The following DHX15 variants were observed in gnomAD, a reference collection of about 807,000 sequenced individuals.
The protein encoded by DHX15 is ATP-dependent RNA helicase DHX15.
In DHX15, 11 loss-of-function variants were observed where a neutral mutation model predicts 94.4. That is an observed-to-expected ratio of 0.12 (90% CI 0.07 to 0.19). The LOEUF (loss-of-function observed/expected upper bound fraction) is 0.19, where lower values mean the gene tolerates loss of function less well. Ranked by LOEUF, DHX15 falls within the 10% of genes least tolerant of loss-of-function variation. DHX15 has a pLI of 1.00. For synonymous variants in DHX15, 338 were observed against 329.9 expected (o/e 1.02, Z -0.27); for missense variants, 304 against 988.5 (o/e 0.31, Z 9.29).
In DHX15 at chr4:24,578,728, G is replaced by A. The variant is rs549257173; in HGVS notation, c.72-2050C>T. Among the ~76,000 whole-genome samples the A allele has an allele frequency of 7.7e-4, 117 of 152,050 alleles. 1 individual carries two copies. The highest frequency in any genetic ancestry group is 2.6e-3 in the African/African-American group (108 of 41,452). On this transcript the variant is annotated intron_variant, in intron 1 of 13. Coordinates refer to ENST00000336812, the MANE Select transcript of DHX15 (RefSeq NM_001358.3). ...CTACAGGCATGCACCACCACGCCTC[G>A]CTAATTTCTTATTTTTGTAGAGATA...
intron 8 of DHX15, 60 bp downstream of exon 8, chr4:24,541,804 TGTTCTTCTG>T (rs1234884857): frequency 3.5e-6 from 5 of 1,417,698 alleles, no homozygotes; most frequent in Non-Finnish European, 9.4e-7. Flanking sequence ...AATAAGGCAA[TGTTCTTCTG>T]GTAAGATAAT....
chr4:24,574,205 C>CAAAAAAGAAAAAAAA (rs1722189442), intron 2 of DHX15, among the ~76,000 whole-genome samples: 1 of 68,876 alleles, frequency 1.5e-5, no homozygotes, highest in African/African-American at 5.5e-5. Flanking sequence ...GACTTTGTCT[C>CAAAAAAGAAAAAAAA]AAAAAAAAAA....
rs1346189759 is a variant in DHX15, at chr4:24,576,450, T to C, written c.300A>G (p.Ser100=). 5 of 1,614,186 alleles carry C rather than the reference T, an allele frequency of 3.1e-6. No homozygotes were observed. Among genetic ancestry groups the C allele is most frequent in the Non-Finnish European group, 3.4e-6 (4 of 1,180,034 alleles). The part of the protein sequence containing the change: ...HSTHSTHSAH[S]THAGHAGHTS... ...TGTGACCTGCATGTCCGGCATGCGT[T>C]GAATGAGCAGAATGTGTTGAATGCG... The change falls in exon 2 of 14, where the codon TCA becomes TCG. Residue 100 remains serine, a synonymous_variant. Coordinates refer to ENST00000336812, the MANE Select transcript of DHX15 (RefSeq NM_001358.3).
intron 13 of DHX15, among the ~76,000 whole-genome samples, chr4:24,528,945 A>T (rs912000988): frequency 2.3e-4 from 35 of 152,162 alleles, no homozygotes; most frequent in Non-Finnish European, 5.0e-4. Flanking sequence ...AGCAAGAAAC[A>T]GTACTGACTT....
At chr4:24,584,241 C>T in intron 1 of DHX15, 82 bp downstream of exon 1, 1 of 1,396,424 alleles carries the variant, frequency 7.2e-7, no homozygotes, top group Non-Finnish European at 9.8e-7. Flanking sequence ...AGGACCCGCT[C>T]GGCCAGGCCA....
intron 6 of DHX15, among the ~76,000 whole-genome samples, chr4:24,545,871 A>G (rs1377568920): frequency 3.3e-5 from 5 of 152,348 alleles, no homozygotes; most frequent in African/African-American, 1.2e-4. Context: ...AGAGCCTTAA[A>G]AAGTGTTCAA....
intron 2 of DHX15, among the ~76,000 whole-genome samples, chr4:24,573,520 T>C (rs1287820483): frequency 6.6e-6 from 1 of 152,196 alleles, no homozygotes; most frequent in Non-Finnish European, 1.5e-5. Flanking sequence ...CAATCCATTC[T>C]TTATTTTCTA....
rs775274940 is a variant in DHX15, at chr4:24,537,149, G to A, written c.1811C>T (p.Thr604Met). 25 of 1,613,772 alleles carry A rather than the reference G, an allele frequency of 1.5e-5. No homozygotes were observed. Among genetic ancestry groups the A allele is most frequent in the Non-Finnish European group, 2.1e-5 (25 of 1,179,816 alleles). ...LSVPQCFVRP[T>M]EAKKAADEAK... ...CTCATCTGCGGCTTTCTTGGCCTCC[G>A]TGGGGCGAACAAAACACTGTGGGAC... Residue 604 changes from threonine to methionine, a missense_variant, in exon 11 of 14, where the codon ACG becomes ATG. Physicochemically the swap from Thr to Met is moderately conservative, Grantham distance 81 (BLOSUM62 -1). This residue lies in a region of DHX15 where 44 missense variants were observed against 236.7 expected (regional missense o/e 0.19). Transcript: ENST00000336812. This position sits in a 1 kb window ranked among gnomAD's most constrained non-coding sequence, Gnocchi z 4.7.
intron 2 of DHX15, among the ~76,000 whole-genome samples, chr4:24,571,379 T>C (rs1228576490): frequency 2.0e-5 from 3 of 152,200 alleles, no homozygotes; most frequent in Non-Finnish European, 2.9e-5. Flanking sequence ...TGGTAGCACC[T>C]TAGGTACCAT....
chr4:24,540,587 C>T (rs1421265393), intron 9 of DHX15, among the ~76,000 whole-genome samples: 1 of 151,856 alleles, frequency 6.6e-6, no homozygotes, highest in African/African-American at 2.4e-5. Flanking sequence ...GGAATTCTCA[C>T]ATTTTCATGC....
Position 24,570,791 on chromosome 4 carries a change from A to G in DHX15, c.564T>C (p.Val188=). 1 of 1,614,164 alleles carries G rather than the reference A, an allele frequency of 6.2e-7. No homozygotes were observed. Among genetic ancestry groups the G allele is most frequent in the Non-Finnish European group, 8.5e-7 (1 of 1,180,034 alleles). ...MRSLPGPKRG[V]ACTQPRRVAA... ...CCACTCTCCTGGGTTGGGTACAGGC[A>G]ACTCCTCTCTTGGGTCCTGGTAATG... The change falls in exon 3 of 14, where the codon GTT becomes GTC. Residue 188 remains valine (V), a synonymous_variant. Transcript: ENST00000336812.
chr4:24,569,316 G>GGT (rs1247408451), intron 3 of DHX15, among the ~76,000 whole-genome samples: 1 of 152,152 alleles, frequency 6.6e-6, no homozygotes, highest in African/African-American at 2.4e-5. Context: ...TCTGCGGCTG[G>GGT]GTGTAGTGGC....
At chr4:24,558,287 C>T (rs1721786594) in intron 3 of DHX15, among the ~76,000 whole-genome samples, 1 of 152,086 alleles carries the variant, frequency 6.6e-6, no homozygotes, top group Non-Finnish European at 1.5e-5. Context: ...CACATTGTAA[C>T]TTCAGACAAT....
intron 2 of DHX15, among the ~76,000 whole-genome samples, chr4:24,575,088 T>C (rs1722225549): frequency 6.6e-6 from 1 of 150,814 alleles, no homozygotes; most frequent in Non-Finnish European, 1.5e-5. Context: ...GCTCAGGAGG[T>C]TGACGCTGTG....
At position 24,540,092 on chromosome 4, in the gene DHX15, C is replaced by A; in HGVS notation, c.1786+16G>T. On this transcript the variant is annotated intron_variant, in intron 10 of 13. Coordinates refer to ENST00000336812, the MANE Select transcript of DHX15 (RefSeq NM_001358.3). Reference sequence around the variant, plus strand: ...TTGAAGAGCTGGGCTTTTTTTTGTTCCTTTCCCTCTATTACCTGACAACAT... The same window carrying A: ...TTGAAGAGCTGGGCTTTTTTTTGTTACTTTCCCTCTATTACCTGACAACAT... The A allele has an allele frequency of 6.8e-7, 1 of 1,465,984 alleles. No individual in the cohort carries two copies. The highest frequency in any genetic ancestry group is 9.1e-7 in the Non-Finnish European group (1 of 1,104,154). The allele number at this position is 1,465,984 out of a possible 1,614,324, so 90.8% of individuals were successfully genotyped here.
chr4:24,566,259 AC>A (rs1450200479), intron 3 of DHX15, among the ~76,000 whole-genome samples: 10 of 151,852 alleles, frequency 6.6e-5, no homozygotes, highest in Non-Finnish European at 8.8e-5. Flanking sequence ...TATGTTACCC[AC>A]CCTGGACTCA....
intron 3 of DHX15, among the ~76,000 whole-genome samples, chr4:24,569,145 G>A (rs1008409119): frequency 2.6e-5 from 4 of 152,140 alleles, no homozygotes; most frequent in African/African-American, 4.8e-5. Context: ...CTATCTCAGA[G>A]ATACACACTG....
At chr4:24,539,498 C>CA (rs1560762475) in intron 10 of DHX15, among the ~76,000 whole-genome samples, 1 of 151,936 alleles carries the variant, frequency 6.6e-6, no homozygotes, top group African/African-American at 2.4e-5. Context: ...CTTAATGGTC[C>CA]AATTTTACAA....
intron 13 of DHX15, 60 bp downstream of exon 13, chr4:24,529,541 T>G: frequency 6.8e-7 from 1 of 1,469,438 alleles, no homozygotes; most frequent in Non-Finnish European, 9.5e-7. Context: ...CTAGCAACAG[T>G]CAGGTTCCAT....
Sources: gnomAD v4.1 joint callset for allele counts (sites outside exome capture counted in the v4.1 genomes callset) on GRCh38, gnomAD v4.1.1 for gene constraint, gnomAD v4.1.1 regional missense constraint, Gnocchi (gnomAD v3.1) non-coding constraint, MANE v1.5 for transcripts, NCBI Gene and HGNC (gene_info 2026-07-23, HGNC 2026-07-21) for gene names.